DNAJC2: variants seen among roughly 807,000 people sequenced by gnomAD.
The protein encoded by DNAJC2 is DnaJ heat shock protein family (Hsp40) member C2.
In DNAJC2, 32 loss-of-function variants were observed where a neutral mutation model predicts 94.0. The observed-to-expected ratio is 0.34, with a 90% CI of 0.26 to 0.46. The LOEUF (loss-of-function observed/expected upper bound fraction) is 0.46, where lower values mean the gene tolerates loss of function less well. Ranked by LOEUF, DNAJC2 falls within the 20% of genes least tolerant of loss-of-function variation. DNAJC2 has a pLI of 1.00. For synonymous variants in DNAJC2, 210 were observed against 229.7 expected (o/e 0.91, Z 0.77); for missense variants, 550 against 719.5 (o/e 0.76, Z 2.69).
chr7:103,326,737 T>G, intron 4 of DNAJC2, 53 bp from the exon 5 acceptor site: 2 of 1,521,718 alleles, frequency 1.3e-6, no homozygotes, highest in Non-Finnish European at 1.8e-6. Flanking sequence ...TATTTTTTCC[T>G]GCAAGAAAAC....
chr7:103,341,658 T>C (rs1319222018), intron 2 of DNAJC2, 106 bp downstream of exon 2: 2 of 925,982 alleles, frequency 2.2e-6, no homozygotes, highest in African/African-American at 1.7e-5. Flanking sequence ...ATCATAGTTA[T>C]CTTGCTGAAT....
chr7:103,328,748 T>G (rs1167178968), intron 3 of DNAJC2, among the ~76,000 whole-genome samples: 5 of 152,238 alleles, frequency 3.3e-5, no homozygotes, highest in African/African-American at 1.2e-4. Flanking sequence ...CCTTGCAAAC[T>G]CTTCAAATTT....
At chr7:103,328,970 A>T (rs747008535) in intron 3 of DNAJC2, 2 of 1,271,994 alleles carry the variant, frequency 1.6e-6, no homozygotes, top group East Asian at 1.1e-4. Flanking sequence ...TGGAAATGGA[A>T]CAAGTTATTT....
intron 6 of DNAJC2, among the ~76,000 whole-genome samples, chr7:103,323,940 A>G (rs377477650): frequency 3.3e-5 from 5 of 152,144 alleles, no homozygotes; most frequent in Non-Finnish European, 5.9e-5. Flanking sequence ...CTTGCCTTCA[A>G]TTTCGCTAGT....
intron 15 of DNAJC2, chr7:103,314,512 T>A (rs1817936490): frequency 1.0e-6 from 1 of 985,206 alleles, no homozygotes; most frequent in Admixed American, 6.2e-5. Context: ...CCCTCCAACA[T>A]GGAAACAAGT....
chr7:103,328,719 G>C (rs1818840806), intron 3 of DNAJC2, among the ~76,000 whole-genome samples: 1 of 152,016 alleles, frequency 6.6e-6, no homozygotes, highest in Non-Finnish European at 1.5e-5. Flanking sequence ...TATAGCGTTT[G>C]CATTTTCCAT....
intron 3 of DNAJC2, among the ~76,000 whole-genome samples, chr7:103,334,085 C>T (rs917322497): frequency 5.3e-5 from 8 of 151,782 alleles, no homozygotes; most frequent in African/African-American, 9.7e-5. Context: ...CGAGTAGCTG[C>T]GACTACAGGT....
intron 3 of DNAJC2, among the ~76,000 whole-genome samples, chr7:103,333,300 T>C (rs1035693210): frequency 6.6e-6 from 1 of 152,220 alleles, no homozygotes; most frequent in African/African-American, 2.4e-5. Context: ...TTGAAAAAAG[T>C]AACAGAATAG....
At chr7:103,330,750 CTTT>C (rs112547436) in intron 3 of DNAJC2, among the ~76,000 whole-genome samples, 23 of 143,822 alleles carry the variant, frequency 1.6e-4, no homozygotes, top group Admixed American at 5.6e-4. Flanking sequence ...ACACCCAGCT[CTTT>C]TTTTTTTTTG....
At position 103,322,003 on chromosome 7, in the gene DNAJC2, C is replaced by T. The variant is rs544373831; in HGVS notation, c.1012G>A (p.Ala338Thr). 1 of 1,613,742 alleles carries T rather than the reference C, an allele frequency of 6.2e-7. No homozygotes were observed. Among genetic ancestry groups the T allele is most frequent in the South Asian group, 1.1e-5 (1 of 91,072 alleles). The change falls in exon 10 of 17, where the codon GCA (alanine) becomes ACA (threonine). Residue 338 changes from alanine (A) to threonine (T), a missense_variant. Around this residue, in one of 2 missense-constraint regions of DNAJC2, gnomAD observed 279 missense variants for 416.9 expected, o/e 0.67. Coordinates refer to ENST00000379263, the MANE Select transcript of DNAJC2 (RefSeq NM_014377.3). ...EEEVRQQALL[A>T]KKEKDIQKKA... is the part of the protein sequence containing the mutation. ...TTCTGGATATCTTTTTCCTTCTTTG[C>T]CAGCAATGCTTGCTGTCTGACTTCC...
Position 103,312,359 on chromosome 7 carries a change from A to G in DNAJC2, c.*210T>C. On this transcript the variant is annotated 3_prime_UTR_variant, in exon 17 of 17. Transcript: ENST00000379263. ...AAATGAACATGTATATACATTTGGAAATTTGAATTAAATACTGTATCATAC... is the reference window on the plus strand; with the variant it reads ...AAATGAACATGTATATACATTTGGAGATTTGAATTAAATACTGTATCATAC... The G allele has an allele frequency of 6.4e-7, 1 of 1,563,890 alleles. No individual in the cohort carries two copies. The highest frequency in any genetic ancestry group is 2.3e-5 in the East Asian group (1 of 43,568).
chr7:103,323,054 G>A (rs572226797), intron 7 of DNAJC2, among the ~76,000 whole-genome samples: 21 of 151,764 alleles, frequency 1.4e-4, no homozygotes, highest in Non-Finnish European at 2.4e-4. Context: ...CTCAGCCTCC[G>A]GAGTAGCTGG....
intron 9 of DNAJC2, 98 bp downstream of exon 9, chr7:103,322,413 C>A: frequency 8.2e-7 from 1 of 1,219,758 alleles, no homozygotes; most frequent in South Asian, 1.6e-5. Flanking sequence ...TCTCTGCTTT[C>A]GAATTATAGT....
chr7:103,343,432 A>C (rs1819468393), intron 1 of DNAJC2, among the ~76,000 whole-genome samples: 1 of 152,246 alleles, frequency 6.6e-6, no homozygotes, highest in Admixed American at 6.5e-5. Flanking sequence ...GCTAAGCTGT[A>C]GTGGAACAAG....
chr7:103,318,860 C>T (rs747744606), intron 12 of DNAJC2, among the ~76,000 whole-genome samples: 31 of 152,164 alleles, frequency 2.0e-4, no homozygotes, highest in Admixed American at 9.8e-4. Context: ...AAATCAAACA[C>T]TAAGTATGGT....
At chr7:103,313,881 T>C in intron 15 of DNAJC2, 1 of 985,434 alleles carries the variant, frequency 1.0e-6, no homozygotes, top group Non-Finnish European at 1.2e-6. Flanking sequence ...TTAATGGACT[T>C]CTGGCAATTT....
At chr7:103,317,641 A>G (rs967085680) in intron 12 of DNAJC2, among the ~76,000 whole-genome samples, 1 of 152,002 alleles carries the variant, frequency 6.6e-6, no homozygotes, top group Non-Finnish European at 1.5e-5. Context: ...TTCATAGTGC[A>G]GGTTCTTTTT....
intron 16 of DNAJC2, 42 bp downstream of exon 16, chr7:103,312,905 C>T: frequency 6.3e-7 from 1 of 1,583,098 alleles, no homozygotes; most frequent in Non-Finnish European, 8.5e-7. Flanking sequence ...ACCCAAGCTA[C>T]AATTTAAAAT....
intron 3 of DNAJC2, among the ~76,000 whole-genome samples, chr7:103,332,027 C>T (rs1319712451): frequency 5.6e-5 from 8 of 143,858 alleles, no homozygotes; most frequent in East Asian, 2.0e-4. Context: ...TTTTTTGAGG[C>T]GGAGTCTTGC....
Sources: gnomAD v4.1 joint callset for allele counts (sites outside exome capture counted in the v4.1 genomes callset) on GRCh38, gnomAD v4.1.1 for gene constraint, gnomAD v4.1.1 regional missense constraint, MANE v1.5 for transcripts, NCBI Gene and HGNC (gene_info 2026-07-23, HGNC 2026-07-21) for gene names.